Variants in ROCK2 observed in about 807,000 individuals in gnomAD.
ROCK2 encodes Rho associated coiled-coil containing protein kinase 2.
A neutral mutation model predicts 195.1 loss-of-function variants in ROCK2; 61 were observed. That is an observed-to-expected ratio of 0.31 (90% CI 0.25 to 0.39). ROCK2 has a LOEUF of 0.39. Among genes scored for constraint, ROCK2 ranks in the 10% least tolerant of loss-of-function variants. ROCK2 has a pLI of 1.00. For synonymous variants in ROCK2, 504 were observed against 545.5 expected (o/e 0.92, Z 1.06); for missense variants, 1,109 against 1,637.4 (o/e 0.68, Z 5.57).
Position 11,235,631 on chromosome 2 carries a change from AC to A in ROCK2, c.723+70del. The A allele has an allele frequency of 2.0e-6, 3 of 1,470,398 alleles. No individual in the cohort carries two copies. The highest frequency in any genetic ancestry group is 1.8e-4 in the Middle Eastern group (1 of 5,544). The allele number at this position is 1,470,398 out of a possible 1,614,324, so 91.1% of individuals were successfully genotyped here. On this transcript the variant is annotated intron_variant, in intron 5 of 32. Transcript: ENST00000315872. This position sits in a 1 kb window ranked among gnomAD's most constrained non-coding sequence, Gnocchi z 4.2. ...TTTACCTTTGTTCAAAACTATGAAG[AC>A]CTGACTTAAAGTATTTCATTTATTT...
chr2:11,321,403 C>A (rs1310379343), intron 1 of ROCK2, among the ~76,000 whole-genome samples: 1 of 151,460 alleles, frequency 6.6e-6, no homozygotes, highest in African/African-American at 2.4e-5. Context: ...CTCTCGAACT[C>A]CTGCCCCAGT....
chr2:11,318,391 G>T (rs1336652468), intron 1 of ROCK2, among the ~76,000 whole-genome samples: 1 of 152,106 alleles, frequency 6.6e-6, no homozygotes, highest in African/African-American at 2.4e-5. Context: ...TCATGTGTCT[G>T]TTGGCTGCAT....
intron 1 of ROCK2, among the ~76,000 whole-genome samples, chr2:11,339,852 A>C (rs2148279590): frequency 1.3e-5 from 2 of 152,358 alleles, no homozygotes; most frequent in Admixed American, 1.3e-4. Context: ...TGAATCCAGC[A>C]GCGGCGACGG....
chr2:11,288,704 A>C (rs1461191847), intron 1 of ROCK2, among the ~76,000 whole-genome samples: 1 of 140,676 alleles, frequency 7.1e-6, no homozygotes, highest in South Asian at 2.1e-4. Context: ...GCAGAAAACG[A>C]AACAGCAGTA....
rs945746021 is a variant in ROCK2 at position 11,181,059 on chromosome 2, G to A, written c.*2378C>T. ...TTCCTTGTACAGTTGGTCACACCAT[G>A]ATTCCCCATATTCTCTAATATATAC... On this transcript the variant is annotated 3_prime_UTR_variant, in exon 33 of 33. Coordinates refer to ENST00000315872, the MANE Select transcript of ROCK2 (RefSeq NM_004850.5). The A allele has an allele frequency of 1.3e-5, 2 of 151,390 alleles. No homozygotes were observed. Among genetic ancestry groups the A allele is most frequent in the Non-Finnish European group, 1.5e-5 (1 of 67,896 alleles). 9.4% of individuals were successfully genotyped at this position (151,390 alleles called of 1,614,324 possible). A position where few individuals can be genotyped will look rare whatever the true frequency, so the allele number is the denominator to read the frequency against.
chr2:11,270,558 A>G (rs1296539033), intron 3 of ROCK2, among the ~76,000 whole-genome samples: 1 of 151,992 alleles, frequency 6.6e-6, no homozygotes, highest in Admixed American at 6.5e-5. Context: ...TTCCCTCTAC[A>G]TGCTTTCAGT....
At chr2:11,271,508 G>C (rs2148165678) in intron 3 of ROCK2, among the ~76,000 whole-genome samples, 1 of 152,306 alleles carries the variant, frequency 6.6e-6, no homozygotes, top group East Asian at 1.9e-4. Context: ...TTTGGGGTCA[G>C]TGGTTTGTTT....
In ROCK2 at chr2:11,344,512, G is replaced by C. The variant is rs1363775272; in HGVS notation, c.-376C>G. 3 of 985,978 alleles carry C rather than the reference G, an allele frequency of 3.0e-6. No individual in the cohort carries two copies. 61.1% of individuals were successfully genotyped at this position (985,978 alleles called of 1,614,324 possible). A position where few individuals can be genotyped will look rare whatever the true frequency, so the allele number is the denominator to read the frequency against. On this transcript the variant is annotated 5_prime_UTR_variant, in exon 1 of 33. Coordinates refer to ENST00000315872, the MANE Select transcript of ROCK2 (RefSeq NM_004850.5). This position sits in a 1 kb window ranked among gnomAD's most constrained non-coding sequence, Gnocchi z 5.4. ...GGACCGCCCCGCCCTCTGGGGCCCCGGGAGGCTGAAGCCCAGGCCTGGGCC... is the reference window on the plus strand; with the variant it reads ...GGACCGCCCCGCCCTCTGGGGCCCCCGGAGGCTGAAGCCCAGGCCTGGGCC...
At chr2:11,285,477 C>G (rs568000474) in intron 3 of ROCK2, among the ~76,000 whole-genome samples, 2 of 151,974 alleles carry the variant, frequency 1.3e-5, no homozygotes, top group African/African-American at 4.8e-5. Flanking sequence ...GAATAATATT[C>G]TTCTTATGGA....
At chr2:11,331,922 TCAACAA>T (rs1039228237) in intron 1 of ROCK2, among the ~76,000 whole-genome samples, 3 of 151,790 alleles carry the variant, frequency 2.0e-5, no homozygotes, top group Non-Finnish European at 2.9e-5. Context: ...TGAGACTGTC[TCAACAA>T]CAACAACAAC....
At chr2:11,310,778 C>A (rs1668008397) in intron 1 of ROCK2, among the ~76,000 whole-genome samples, 2 of 152,000 alleles carry the variant, frequency 1.3e-5, no homozygotes, top group Admixed American at 1.3e-4. Flanking sequence ...ATAACACACA[C>A]TGACCACAAC....
chr2:11,289,965 T>G (rs1428486334), intron 1 of ROCK2, among the ~76,000 whole-genome samples: 2 of 152,220 alleles, frequency 1.3e-5, no homozygotes, highest in Admixed American at 1.3e-4. Flanking sequence ...CTATTATTTT[T>G]ACGTAGCATC....
intron 5 of ROCK2, among the ~76,000 whole-genome samples, chr2:11,232,313 G>C (rs376550196): frequency 6.6e-6 from 1 of 152,044 alleles, no homozygotes; most frequent in Non-Finnish European, 1.5e-5. Context: ...GTTTTTAGTA[G>C]AAACGGGGGT....
intron 1 of ROCK2, among the ~76,000 whole-genome samples, chr2:11,301,910 C>T (rs1025416201): frequency 6.5e-4 from 99 of 152,134 alleles, no homozygotes; most frequent in Admixed American, 9.2e-4. Flanking sequence ...CATTCTGAGA[C>T]GGAGTTTCGC....
intron 4 of ROCK2, among the ~76,000 whole-genome samples, chr2:11,247,694 T>C (rs1665666449): frequency 2.0e-5 from 3 of 152,202 alleles, no homozygotes; most frequent in African/African-American, 4.8e-5. Context: ...AACAAATACT[T>C]TACTGCAATC....
intron 27 of ROCK2, among the ~76,000 whole-genome samples, chr2:11,195,567 T>C (rs1351822892): frequency 6.6e-6 from 1 of 152,238 alleles, no homozygotes; most frequent in Non-Finnish European, 1.5e-5. Flanking sequence ...CAGGCTGGAA[T>C]GTAGTGGCGT....
chr2:11,224,004 G>C lies in ROCK2; in HGVS notation c.1007+318C>G, dbSNP rs78933642. On this transcript the variant is annotated intron_variant, in intron 7 of 32. Coordinates refer to ENST00000315872, the MANE Select transcript of ROCK2 (RefSeq NM_004850.5). Reference sequence around the variant, plus strand: ...TCAAAAGTTATATAAGAGTAATATGGAATAACCAGCTTGGAGGATAAAATG... The same window carrying C: ...TCAAAAGTTATATAAGAGTAATATGCAATAACCAGCTTGGAGGATAAAATG... Among the ~76,000 whole-genome samples, 943 of 152,248 alleles carry C rather than the reference G, an allele frequency of 6.2e-3. 3 individuals carry two copies. The highest frequency in any genetic ancestry group is 0.022 in the African/African-American group (912 of 41,540).
At chr2:11,220,156 T>TA (rs1383260183) in intron 9 of ROCK2, among the ~76,000 whole-genome samples, 1 of 152,216 alleles carries the variant, frequency 6.6e-6, no homozygotes, top group Non-Finnish European at 1.5e-5. Context: ...TAGCTGGGAT[T>TA]ACAGGCATGT....
chr2:11,285,533 A>C (rs1643675371), intron 3 of ROCK2, among the ~76,000 whole-genome samples: 1 of 152,070 alleles, frequency 6.6e-6, no homozygotes, highest in Admixed American at 6.6e-5. Context: ...AGTCCAATAA[A>C]CCTATCAAGA....
Sources: gnomAD v4.1 joint callset for allele counts (sites outside exome capture counted in the v4.1 genomes callset) on GRCh38, gnomAD v4.1.1 for gene constraint, Gnocchi (gnomAD v3.1) non-coding constraint, MANE v1.5 for transcripts, NCBI Gene and HGNC (gene_info 2026-07-23, HGNC 2026-07-21) for gene names.